Variants in ACACA observed in about 807,000 individuals in gnomAD.
ACACA encodes the protein acetyl-CoA carboxylase alpha.
Under a neutral mutation model 296.1 loss-of-function variants are expected in ACACA, and 103 were observed. That is an observed-to-expected ratio of 0.35 (90% CI 0.30 to 0.41). The LOEUF (loss-of-function observed/expected upper bound fraction) is 0.41, where lower values mean the gene tolerates loss of function less well. Ranked by LOEUF, ACACA falls within the 10% of genes least tolerant of loss-of-function variation. The pLI, the probability that ACACA is intolerant of heterozygous loss-of-function variation, is 1.00. For missense variants in ACACA, 1,554 were observed against 2,989.7 expected, an observed-to-expected ratio of 0.52 and a Z score of 11.20; for synonymous variants, 953 against 1,038.6, an observed-to-expected ratio of 0.92 and a Z score of 1.58.
At chr17:37,199,250 AAAAG>A (rs1419134713) in intron 35 of ACACA, among the ~76,000 whole-genome samples, 3 of 151,884 alleles carry the variant, frequency 2.0e-5, no homozygotes, top group African/African-American at 4.8e-5. Context: ...AAAAAAAAAA[AAAAG>A]AAAGAAAAGA....
At chr17:37,265,058 C>A (rs944467939) in intron 10 of ACACA, among the ~76,000 whole-genome samples, 35 of 152,298 alleles carry the variant, frequency 2.3e-4, no homozygotes, top group Admixed American at 6.5e-5. Context: ...CTGCAGCAGG[C>A]TAGACTAGGC....
intron 25 of ACACA, among the ~76,000 whole-genome samples, chr17:37,230,288 G>T (rs1409825654): frequency 1.3e-5 from 2 of 151,500 alleles, no homozygotes; most frequent in Non-Finnish European, 2.9e-5. Flanking sequence ...GGAGGCTGAG[G>T]CAGGAGAATC....
chr17:37,194,287 G>A (rs561587648), intron 35 of ACACA, among the ~76,000 whole-genome samples: 10 of 152,128 alleles, frequency 6.6e-5, no homozygotes, highest in South Asian at 4.2e-4. Flanking sequence ...CAGAGAGACC[G>A]GGACTAGCTG....
intron 54 of ACACA, 89 bp from the exon 55 acceptor site, chr17:37,089,163 C>G: frequency 1.3e-6 from 2 of 1,579,782 alleles, no homozygotes; most frequent in Non-Finnish European, 1.7e-6. Flanking sequence ...CTTGCTTACT[C>G]CAAAAGTGTG....
intron 41 of ACACA, among the ~76,000 whole-genome samples, chr17:37,163,995 A>C (rs952410915): frequency 1.3e-5 from 2 of 151,996 alleles, no homozygotes; most frequent in African/African-American, 4.8e-5. Flanking sequence ...GTAGTTTTTC[A>C]TGTCTGCCTG....
intron 39 of ACACA, among the ~76,000 whole-genome samples, chr17:37,181,878 C>T (rs1309119061): frequency 1.5e-4 from 16 of 107,538 alleles, no homozygotes; most frequent in Admixed American, 8.9e-4. Flanking sequence ...CCAGCCTGGG[C>T]AACAGAGCAA....
intron 1 of ACACA, among the ~76,000 whole-genome samples, chr17:37,346,963 G>C (rs1338852942): frequency 6.6e-6 from 1 of 152,110 alleles, no homozygotes; most frequent in African/African-American, 2.4e-5. Flanking sequence ...AAGACTTTGA[G>C]GGACTGTTGG....
chr17:37,374,932 A>G (rs2049941611), intron 1 of ACACA, among the ~76,000 whole-genome samples: 1 of 152,038 alleles, frequency 6.6e-6, no homozygotes, highest in Non-Finnish European at 1.5e-5. Flanking sequence ...GGGGTGGCTC[A>G]CGGCTGTAAT....
Position 37,406,414 on chromosome 17 carries a change from C to A in ACACA, c.-115G>T, listed in dbSNP as rs983456766. 1.0e-5 allele frequency: 12 copies of A among 1,173,210 alleles called. No homozygotes were observed. The African/African-American group carries it at 1.2e-4, about 12-fold the overall frequency. The allele number at this position is 1,173,210 out of a possible 1,614,324, so 72.7% of individuals were successfully genotyped here. A position where few individuals can be genotyped will look rare whatever the true frequency, so the allele number is the denominator to read the frequency against. On this transcript the variant is annotated 5_prime_UTR_variant, in exon 1 of 56. Transcript: ENST00000616317. ...ATCTGATTGAAACGCACCCTCTTCA[C>A]CCCTTAAAATCAGTCTGGTTCATCC...
intron 1 of ACACA, among the ~76,000 whole-genome samples, chr17:37,381,078 A>G (rs1471682680): frequency 6.6e-6 from 1 of 152,070 alleles, no homozygotes; most frequent in Non-Finnish European, 1.5e-5. Context: ...CTAAGAATGT[A>G]TGAATGTGCA....
In ACACA at chr17:37,220,500, T is replaced by C. The variant is rs72826194; in HGVS notation, c.3683+1224A>G. ...GAAAGAAGACTGAGTGCTGTGCCTATGTGTGCCATGAGTACTTCGCCGCTC... is the reference window on the plus strand; with the variant it reads ...GAAAGAAGACTGAGTGCTGTGCCTACGTGTGCCATGAGTACTTCGCCGCTC... On this transcript the variant is annotated intron_variant, in intron 29 of 55. Transcript: ENST00000616317. Among the ~76,000 whole-genome samples the C allele has an allele frequency of 4.8e-3, 728 of 152,306 alleles. 2 individuals carry two copies. Among genetic ancestry groups the C allele is most frequent in the Non-Finnish European group, 8.1e-3 (551 of 68,014 alleles).
rs190427354 is a variant in ACACA, at chr17:37,338,875, G to C, written c.85+929C>G. Among the ~76,000 whole-genome samples, 1,045 of 150,396 alleles carry C rather than the reference G, an allele frequency of 6.9e-3. 4 individuals carry two copies. The highest frequency in any genetic ancestry group is 0.017 in the South Asian group (80 of 4,732). On this transcript the variant is annotated intron_variant, in intron 2 of 55. Transcript: ENST00000616317. ...GAATTGCTTGAACCCAGGAGGCAGA[G>C]GTTGCAGTGTGCCGAGATTGCGCCA... is the stretch of plus-strand genomic sequence containing the variant.
chr17:37,312,773 T>C (rs2147024548), intron 3 of ACACA, among the ~76,000 whole-genome samples: 2 of 152,194 alleles, frequency 1.3e-5, no homozygotes, highest in Middle Eastern at 3.4e-3. Flanking sequence ...ACACCTGTAA[T>C]GTCAGCATTT....
chr17:37,207,425 T>C (rs2078555171), intron 31 of ACACA, among the ~76,000 whole-genome samples: 1 of 152,196 alleles, frequency 6.6e-6, no homozygotes, highest in South Asian at 2.1e-4. Context: ...TTTTTGTTTG[T>C]TTCTTTTTTT....
At chr17:37,236,757 A>C (rs1444998622) in intron 24 of ACACA, among the ~76,000 whole-genome samples, 1 of 152,184 alleles carries the variant, frequency 6.6e-6, no homozygotes, top group Non-Finnish European at 1.5e-5. Context: ...CCCAGGAGGC[A>C]GAAGTTGCAG....
intron 35 of ACACA, among the ~76,000 whole-genome samples, chr17:37,194,408 A>G (rs565980653): frequency 2.6e-4 from 39 of 152,270 alleles, no homozygotes; most frequent in African/African-American, 9.4e-4. Flanking sequence ...AACAACCTCT[A>G]GGGGTAGATA....
chr17:37,179,458 CAAAAATAATTATTA>C, intron 40 of ACACA, 52 bp from the exon 41 acceptor site: 2 of 1,589,802 alleles, frequency 1.3e-6, no homozygotes, highest in Non-Finnish European at 1.7e-6. Flanking sequence ...TCAATATAGA[CAAAAATAATTATTA>C]AGATTCAGTC....
intron 51 of ACACA, 55 bp from the exon 52 acceptor site, chr17:37,111,698 G>A: frequency 2.2e-6 from 3 of 1,347,666 alleles, no homozygotes; most frequent in Non-Finnish European, 3.2e-6. Flanking sequence ...TTAAAGGAAG[G>A]AGACAACAGA....
chr17:37,219,564 G>A (rs1244385936), intron 29 of ACACA, among the ~76,000 whole-genome samples: 2 of 151,778 alleles, frequency 1.3e-5, no homozygotes, highest in African/African-American at 4.8e-5. Flanking sequence ...AACTTCAGAT[G>A]GCTAGTGTCA....
Sources: gnomAD v4.1 joint callset for allele counts (sites outside exome capture counted in the v4.1 genomes callset) on GRCh38, gnomAD v4.1.1 for gene constraint, MANE v1.5 for transcripts, NCBI Gene and HGNC (gene_info 2026-07-23, HGNC 2026-07-21) for gene names.